The following APBA2 variants were observed in gnomAD, a reference collection of about 807,000 sequenced individuals.
APBA2 encodes the protein amyloid-beta A4 precursor protein-binding family A member 2.
Under a neutral mutation model 75.0 loss-of-function variants are expected in APBA2, and 30 were observed. That is an observed-to-expected ratio of 0.40 (90% confidence interval 0.30 to 0.54). APBA2 has a LOEUF of 0.54. APBA2 is among the 20% of genes least tolerant of loss of function. APBA2 has a pLI of 0.49. For synonymous variants in APBA2, 444 were observed against 409.6 expected (o/e 1.08, Z -1.01); for missense variants, 801 against 1,016.1 (o/e 0.79, Z 2.88).
At position 29,095,541 on chromosome 15, in the gene APBA2, G is replaced by GT. The variant is rs2043811115; in HGVS notation, c.1251+1229dup. Among the ~76,000 whole-genome samples the GT allele has an allele frequency of 3.3e-5, 5 of 152,364 alleles. No homozygotes were observed. In the South Asian group the frequency reaches 1.0e-3, roughly 32 times the overall value. ...CATACAGAAAATATCAAAATAGTTG[G>GT]TGTCACAAGGCCTGGGGCAAACCCC... On this transcript the variant is annotated intron_variant, in intron 8 of 14. Coordinates refer to ENST00000683413, the MANE Select transcript of APBA2 (RefSeq NM_001353788.2).
chr15:29,115,120 C>G (rs2045011437), intron 14 of APBA2, among the ~76,000 whole-genome samples: 1 of 151,898 alleles, frequency 6.6e-6, no homozygotes, highest in Non-Finnish European at 1.5e-5. Context: ...GCCCGGCCTA[C>G]AGAGGGGCCC....
chr15:28,903,138 G>A (rs958866103), intron 1 of APBA2, among the ~76,000 whole-genome samples: 8 of 152,274 alleles, frequency 5.3e-5, no homozygotes, highest in Non-Finnish European at 1.2e-4. Flanking sequence ...TGATGATGCC[G>A]GCAGCAGTGT....
At chr15:28,945,204 GAGACTGGT>G (rs2035475136) in intron 2 of APBA2, among the ~76,000 whole-genome samples, 1 of 152,200 alleles carries the variant, frequency 6.6e-6, no homozygotes, top group Non-Finnish European at 1.5e-5. Flanking sequence ...CAGAGGGAAG[GAGACTGGT>G]AGAGCCTAAG....
chr15:29,064,740 A>G (rs979445873), intron 4 of APBA2, among the ~76,000 whole-genome samples: 7 of 152,136 alleles, frequency 4.6e-5, no homozygotes, highest in African/African-American at 1.7e-4. Flanking sequence ...AGAGGGTTCC[A>G]CTGGGGGCAT....
chr15:28,971,538 A>C (rs967781248), intron 2 of APBA2, among the ~76,000 whole-genome samples: 3 of 152,132 alleles, frequency 2.0e-5, no homozygotes, highest in South Asian at 4.2e-4. Context: ...AATAAAAGAG[A>C]GGGTCTTGGA....
At chr15:29,013,622 A>G (rs2039516097) in intron 3 of APBA2, among the ~76,000 whole-genome samples, 1 of 147,810 alleles carries the variant, frequency 6.8e-6, no homozygotes, top group Admixed American at 6.6e-5. Context: ...TTATGCCCTT[A>G]GTCACAAGGG....
At chr15:29,108,169 C>T (rs2044530446) in intron 12 of APBA2, 101 bp from the exon 13 acceptor site, 10 of 1,560,050 alleles carry the variant, frequency 6.4e-6, no homozygotes, top group Non-Finnish European at 7.9e-6. Context: ...ATTGTGTGTT[C>T]TCACTGCCCC....
Position 28,984,144 on chromosome 15 carries a change from AG to A in APBA2, c.-94-11606del, listed in dbSNP as rs376309737. ...GGATCGGGGAGGCTAGTCTGGGTGTAGGGTCCTGCCCTGGAGGGGCTCACAG... is the reference window on the plus strand; with the variant it reads ...GGATCGGGGAGGCTAGTCTGGGTGTAGGTCCTGCCCTGGAGGGGCTCACAG... On this transcript the variant is annotated intron_variant, in intron 2 of 14. Coordinates refer to ENST00000683413, the MANE Select transcript of APBA2 (RefSeq NM_001353788.2). Among the ~76,000 whole-genome samples the A allele has an allele frequency of 2.6e-4, 40 of 152,194 alleles. No individual in the cohort carries two copies. The East Asian group carries it at 7.8e-3, about 30-fold the overall frequency.
intron 3 of APBA2, among the ~76,000 whole-genome samples, chr15:29,025,612 C>T (rs866134152): frequency 1.3e-5 from 2 of 151,964 alleles, no homozygotes; most frequent in Non-Finnish European, 2.9e-5. Context: ...ACAGGGGAGA[C>T]GGATGGTGGT....
chr15:29,064,947 G>T (rs939410611), intron 4 of APBA2, among the ~76,000 whole-genome samples: 1 of 152,182 alleles, frequency 6.6e-6, no homozygotes, highest in Non-Finnish European at 1.5e-5. Flanking sequence ...GATGGACAGT[G>T]TCTATAGAGA....
Position 29,113,259 on chromosome 15 carries a change from G to A in APBA2, c.2038-617G>A, listed in dbSNP as rs564648556. ...TTAGGCTGGAATGGAAGCCCCCACCGCTGCACTCCAGCCTGGGTGACAGAA... is the reference window on the plus strand; with the variant it reads ...TTAGGCTGGAATGGAAGCCCCCACCACTGCACTCCAGCCTGGGTGACAGAA... On this transcript the variant is annotated intron_variant, in intron 13 of 14. Coordinates refer to ENST00000683413, the MANE Select transcript of APBA2 (RefSeq NM_001353788.2). Among the ~76,000 whole-genome samples, 10 of 152,058 alleles carry A rather than the reference G, an allele frequency of 6.6e-5. No individual in the cohort carries two copies. In the South Asian group the frequency reaches 8.3e-4, roughly 13 times the overall value.
intron 2 of APBA2, among the ~76,000 whole-genome samples, chr15:28,984,764 A>T (rs1264611408): frequency 9.1e-6 from 1 of 109,852 alleles, no homozygotes; most frequent in African/African-American, 3.9e-5. Flanking sequence ...CTCCCCCCCC[A>T]CCCCACTGCC....
At chr15:29,067,104 CT>C (rs143256528) in intron 4 of APBA2, among the ~76,000 whole-genome samples, 16,028 of 152,034 alleles carry the variant, frequency 0.11, 2,407 homozygotes, top group African/African-American at 0.34. Flanking sequence ...AACCAGTTCT[CT>C]TGTGCACTCA....
intron 10 of APBA2, among the ~76,000 whole-genome samples, chr15:29,104,738 C>A (rs78073982): frequency 0.015 from 2,356 of 152,272 alleles, 70 homozygotes; most frequent in African/African-American, 0.054. Flanking sequence ...CAGCACGATG[C>A]TCCCGGAAAA....
At chr15:28,969,916 C>A (rs560372626) in intron 2 of APBA2, among the ~76,000 whole-genome samples, 1 of 152,262 alleles carries the variant, frequency 6.6e-6, no homozygotes, top group Non-Finnish European at 1.5e-5. Flanking sequence ...GCTCACAGGC[C>A]AGGCCGGGCG....
Position 29,117,448 on chromosome 15 carries a change from C to G in APBA2, c.*315C>G. ...GCTGTGCGTGGTGTGGAGTGTGTGT[C>G]TTTCCTCCCTGAAGCTGTGCGGAGC... On this transcript the variant is annotated 3_prime_UTR_variant, in exon 15 of 15. Coordinates refer to ENST00000683413, the MANE Select transcript of APBA2 (RefSeq NM_001353788.2). 1 of 442,432 alleles carries G rather than the reference C, an allele frequency of 2.3e-6. No individual in the cohort carries two copies. The highest frequency in any genetic ancestry group is 4.2e-6 in the Non-Finnish European group (1 of 239,364). 27.4% of individuals were successfully genotyped at this position (442,432 alleles called of 1,614,324 possible).
intron 4 of APBA2, among the ~76,000 whole-genome samples, chr15:29,056,789 T>A (rs1424435909): frequency 6.6e-6 from 1 of 151,714 alleles, no homozygotes; most frequent in Non-Finnish European, 1.5e-5. Context: ...CTGAAGACTC[T>A]ACCAGGCCCG....
chr15:29,079,800 T>C lies in APBA2; in HGVS notation c.1069+3709T>C, dbSNP rs190611542. On this transcript the variant is annotated intron_variant, in intron 6 of 14. Transcript: ENST00000683413. ...TGGTCTCAGCTTATGCCTTATTTCA[T>C]ATCAGATAATTGTTGATAATAATGA... Among the ~76,000 whole-genome samples, 16 of 152,326 alleles carry C rather than the reference T, an allele frequency of 1.1e-4. No homozygotes were observed. In the East Asian group the frequency reaches 2.7e-3, roughly 26 times the overall value.
At position 28,968,056 on chromosome 15, in the gene APBA2, G is replaced by A. The variant is rs540045263; in HGVS notation, c.-94-27697G>A. Reference sequence around the variant, plus strand: ...GTGGAATCCTACAATATTTTTGTGCGTGACTGACTTCTTTCCCTTAGCATA... The same window carrying A: ...GTGGAATCCTACAATATTTTTGTGCATGACTGACTTCTTTCCCTTAGCATA... On this transcript the variant is annotated intron_variant, in intron 2 of 14. Coordinates refer to ENST00000683413, the MANE Select transcript of APBA2 (RefSeq NM_001353788.2). Among the ~76,000 whole-genome samples the A allele has an allele frequency of 2.6e-5, 4 of 152,346 alleles. No homozygotes were observed. In the East Asian group the frequency reaches 7.7e-4, roughly 29 times the overall value.
Sources: gnomAD v4.1 joint callset for allele counts (sites outside exome capture counted in the v4.1 genomes callset) on GRCh38, gnomAD v4.1.1 for gene constraint, MANE v1.5 for transcripts, NCBI Gene and HGNC (gene_info 2026-07-23, HGNC 2026-07-21) for gene names.